GRIA3: variants seen among roughly 807,000 people sequenced by gnomAD.
GRIA3 encodes the protein glutamate ionotropic receptor AMPA type subunit 3.
Under a neutral mutation model 63.0 loss-of-function variants are expected in GRIA3, and 3 were observed. The ratio of observed to expected loss-of-function variants is 0.05; its 90% CI spans 0.02 to 0.12. The LOEUF is 0.12. Among genes scored for constraint, GRIA3 ranks in the 10% least tolerant of loss-of-function variants. GRIA3 has a pLI of 1.00. For missense variants in GRIA3, 347 were observed against 700.9 expected (o/e 0.50, Z 5.70); for synonymous variants, 274 against 257.9 (o/e 1.06, Z -0.60).
At chrX:123,397,195 ATTGAATATT>A (rs1399018103) in intron 6 of GRIA3, among the ~76,000 whole-genome samples, 1 of 112,209 alleles carries the variant, frequency 8.9e-6, no homozygotes, top group Non-Finnish European at 1.9e-5. Context: ...ACTTTAAAAA[ATTGAATATT>A]TGAATAGATG....
chrX:123,489,926 A>T lies in GRIA3; in HGVS notation c.*1216A>T, dbSNP rs1603183760. The T allele has an allele frequency of 8.9e-6, 1 of 112,288 alleles. No homozygotes were observed. The highest frequency in any genetic ancestry group is 3.8e-4 in the South Asian group (1 of 2,665). The allele number at this position is 112,288 out of a possible 1,213,427, so 9.3% of individuals were successfully genotyped here. On this transcript the variant is annotated 3_prime_UTR_variant, in exon 16 of 16. Transcript: ENST00000620443. The stretch of plus-strand genomic sequence containing the variant: ...AAATGCATTCCCAAACCTACTGCTA[A>T]TCTGAGGGCCTCAGCATCACTTCCA...
chrX:123,229,750 T>C (rs2044266631), intron 2 of GRIA3, among the ~76,000 whole-genome samples: 1 of 112,213 alleles, frequency 8.9e-6, no homozygotes, highest in African/African-American at 3.2e-5. Context: ...CTGCTGGAGA[T>C]AGAAGAGAGG....
intron 4 of GRIA3, among the ~76,000 whole-genome samples, chrX:123,332,033 T>C (rs1451708613): frequency 1.8e-5 from 2 of 111,941 alleles, no homozygotes; most frequent in African/African-American, 6.5e-5. Context: ...TTGAGAACTA[T>C]TGCTGAAGAA....
chrX:123,319,914 A>C (rs12006928), intron 3 of GRIA3, among the ~76,000 whole-genome samples: 4,659 of 110,999 alleles, frequency 0.042, 230 homozygotes, highest in African/African-American at 0.15. Context: ...GTACATGAGA[A>C]TCCCCCAGGG....
chrX:123,398,422 T>C (rs2045425376), intron 6 of GRIA3, among the ~76,000 whole-genome samples: 1 of 111,585 alleles, frequency 9.0e-6, no homozygotes, highest in African/African-American at 3.3e-5. Context: ...CCTTGAGCCA[T>C]TTGATTGTAA....
intron 2 of GRIA3, among the ~76,000 whole-genome samples, chrX:123,229,482 C>T (rs1404954266): frequency 8.9e-6 from 1 of 111,852 alleles, no homozygotes. Context: ...CCAGATAGCA[C>T]ATCATGTTAG....
intron 2 of GRIA3, among the ~76,000 whole-genome samples, chrX:123,220,926 A>G (rs1242723977): frequency 8.9e-6 from 1 of 112,298 alleles, no homozygotes; most frequent in African/African-American, 3.2e-5. Context: ...AGCACCTACT[A>G]TGTGCCTGGC....
At chrX:123,360,855 TCACACACACACACACACACACACA>T (rs10548566) in intron 5 of GRIA3, among the ~76,000 whole-genome samples, 3 of 46,513 alleles carry the variant, frequency 6.4e-5, no homozygotes, top group Non-Finnish European at 1.2e-4. Flanking sequence ...TCTCTCTCTC[TCACACACACACACACACACACACA>T]CACACACACA....
chrX:123,397,222 T>C (rs2045419683), intron 6 of GRIA3, among the ~76,000 whole-genome samples: 1 of 112,203 alleles, frequency 8.9e-6, no homozygotes, highest in African/African-American at 3.2e-5. Flanking sequence ...ATGTTACAAC[T>C]TACAGATTAC....
chrX:123,396,346 A>G (rs2045413780), intron 6 of GRIA3, among the ~76,000 whole-genome samples: 1 of 110,480 alleles, frequency 9.1e-6, no homozygotes, highest in African/African-American at 3.3e-5. Flanking sequence ...ACATAATACA[A>G]GTGAAATCTT....
At chrX:123,212,774 C>T (rs1381537416) in intron 2 of GRIA3, among the ~76,000 whole-genome samples, 1 of 112,032 alleles carries the variant, frequency 8.9e-6, no homozygotes, top group Non-Finnish European at 1.9e-5. Context: ...ATAGCAAATG[C>T]TAGGCATTTG....
chrX:123,265,186 T>C (rs966420164), intron 3 of GRIA3, among the ~76,000 whole-genome samples: 2 of 111,939 alleles, frequency 1.8e-5, no homozygotes, highest in African/African-American at 6.5e-5. Flanking sequence ...GAGTGATTCC[T>C]TTTGATTCTA....
At chrX:123,249,473 G>A (rs760119110) in intron 2 of GRIA3, among the ~76,000 whole-genome samples, 1 of 111,175 alleles carries the variant, frequency 9.0e-6, no homozygotes, top group Admixed American at 9.5e-5. Flanking sequence ...CCCTTCACAG[G>A]TCCCCCATGC....
At chrX:123,262,345 A>C (rs1283467951) in intron 3 of GRIA3, among the ~76,000 whole-genome samples, 2 of 111,862 alleles carry the variant, frequency 1.8e-5, no homozygotes, top group Admixed American at 1.9e-4. Flanking sequence ...CTCAGAGGAC[A>C]TTTGGCAATG....
At chrX:123,288,557 A>T (rs1225177058) in intron 3 of GRIA3, among the ~76,000 whole-genome samples, 2 of 112,020 alleles carry the variant, frequency 1.8e-5, no homozygotes, top group Non-Finnish European at 3.8e-5. Flanking sequence ...AGGAACTTAA[A>T]CAAACTTACA....
intron 12 of GRIA3, among the ~76,000 whole-genome samples, chrX:123,436,860 G>T (rs6649011): frequency 0.02 from 2,170 of 110,635 alleles, 74 homozygotes; most frequent in East Asian, 0.18. Flanking sequence ...CCAGTTAAAG[G>T]AATGAGGCCC....
chrX:123,290,762 A>C, intron 3 of GRIA3, among the ~76,000 whole-genome samples: 1 of 111,841 alleles, frequency 8.9e-6, no homozygotes, highest in East Asian at 2.8e-4. Context: ...TTTCAGGATC[A>C]TGCAAATATT....
chrX:123,207,566 A>G (rs1411285119), intron 2 of GRIA3, among the ~76,000 whole-genome samples: 1 of 112,130 alleles, frequency 8.9e-6, no homozygotes, highest in African/African-American at 3.2e-5. Flanking sequence ...AAAGTAAGCT[A>G]CTGTTTCCTT....
At position 123,463,656 on chromosome X, in the gene GRIA3, GAAAGAAAGAAAGAAAGAAAGAAAGAA is replaced by G. The variant is rs1569440850; in HGVS notation, c.2077-1207_2077-1182del. On this transcript the variant is annotated intron_variant, in intron 12 of 15. Coordinates refer to ENST00000620443, the MANE Select transcript of GRIA3 (RefSeq NM_007325.5). ...AGAAAGAAAGAAAGAAAGAAAGAAA[GAAAGAAAGAAAGAAAGAAAGAAAGAA>G]AGAGAGAGAAAGAAAGAAAAAGAAA... 8.9e-4 allele frequency among the ~76,000 whole-genome samples: 44 copies of G among 49,419 alleles called. 5 individuals carry two copies. Among genetic ancestry groups the G allele is most frequent in the African/African-American group, 4.2e-3 (41 of 9,754 alleles). 42.9% of individuals were successfully genotyped at this position (49,419 alleles called of 115,157 possible).
Sources: allele counts gnomAD v4.1 joint callset (sites outside exome capture counted in the v4.1 genomes callset), GRCh38; gene constraint gnomAD v4.1.1; transcripts MANE v1.5; gene names NCBI Gene and HGNC (gene_info 2026-07-23, HGNC 2026-07-21).